CDH20: variants seen among roughly 807,000 people sequenced by gnomAD.
CDH20 encodes the protein cadherin-20.
CDH20 carries 29 observed loss-of-function variants against 74.2 expected under a neutral mutation model. The ratio of observed to expected loss-of-function variants is 0.39; its 90% confidence interval spans 0.29 to 0.53. The LOEUF (loss-of-function observed/expected upper bound fraction) is 0.53. CDH20 is among the 20% of genes least tolerant of loss of function. The pLI is 0.69. For synonymous variants in CDH20, 469 were observed against 405.4 expected, an observed-to-expected ratio of 1.16 and a Z score of -1.88; for missense variants, 988 against 1,048.3, an observed-to-expected ratio of 0.94 and a Z score of 0.79.
At chr18:61,512,696 T>C (rs1339902860) in intron 6 of CDH20, among the ~76,000 whole-genome samples, 2 of 152,206 alleles carry the variant, frequency 1.3e-5, no homozygotes, top group Admixed American at 6.5e-5. Context: ...GATTCTGGTA[T>C]GTTGTGTCTT....
chr18:61,430,003 G>A (rs1052052430), intron 1 of CDH20, among the ~76,000 whole-genome samples: 1 of 151,830 alleles, frequency 6.6e-6, no homozygotes, highest in Non-Finnish European at 1.5e-5. Flanking sequence ...GCAACCCACA[G>A]GGGTCATCCT....
rs1599167959 is a variant in CDH20, at chr18:61,555,531, T to TA, written c.*842dup. On this transcript the variant is annotated 3_prime_UTR_variant, in exon 12 of 12. Coordinates refer to ENST00000262717, the MANE Select transcript of CDH20 (RefSeq NM_031891.4). Reference sequence around the variant, plus strand: ...TTAGATGCTACAAATGAAAGCCAAATAAAAAAGAAGTATCTGACAAAAGCA... The same window carrying TA: ...TTAGATGCTACAAATGAAAGCCAAATAAAAAAAGAAGTATCTGACAAAAGCA... 1.0e-6 allele frequency: 1 copy of TA among 985,296 alleles called. No individual in the cohort carries two copies. Among genetic ancestry groups the TA allele is most frequent in the East Asian group, 1.1e-4 (1 of 8,814 alleles). The allele number at this position is 985,296 out of a possible 1,614,324, so 61.0% of individuals were successfully genotyped here. A position where few individuals can be genotyped will look rare whatever the true frequency, so the allele number is the denominator to read the frequency against.
intron 1 of CDH20, among the ~76,000 whole-genome samples, chr18:61,435,114 T>C (rs1908788741): frequency 6.6e-6 from 1 of 152,158 alleles, no homozygotes; most frequent in African/African-American, 2.4e-5. Flanking sequence ...TACTGTCCTT[T>C]TTCTACAGAT....
intron 10 of CDH20, among the ~76,000 whole-genome samples, chr18:61,546,726 C>A (rs928014154): frequency 2.0e-5 from 3 of 152,164 alleles, no homozygotes; most frequent in Non-Finnish European, 4.4e-5. Context: ...ATTTATGGAA[C>A]CAATTCCTTA....
chr18:61,492,089 C>T (rs687355), intron 2 of CDH20, among the ~76,000 whole-genome samples: 151,816 of 152,182 alleles, frequency 1, 75,727 homozygotes, highest in Non-Finnish European at 1. Flanking sequence ...TTCTACTGCA[C>T]ATGTGACATC....
chr18:61,412,459 T>C (rs1912545910), intron 1 of CDH20, among the ~76,000 whole-genome samples: 1 of 152,146 alleles, frequency 6.6e-6, no homozygotes. Flanking sequence ...GTTACTCTTC[T>C]AGGAAGCTGT....
chr18:61,434,180 T>G (rs962897635), intron 1 of CDH20, among the ~76,000 whole-genome samples: 3 of 152,142 alleles, frequency 2.0e-5, no homozygotes, highest in Non-Finnish European at 2.9e-5. Flanking sequence ...GTAAAATCAG[T>G]GAAAGGAGGC....
intron 2 of CDH20, among the ~76,000 whole-genome samples, chr18:61,498,770 A>C (rs2144314376): frequency 6.6e-6 from 1 of 152,320 alleles, no homozygotes; most frequent in African/African-American, 2.4e-5. Context: ...TGATACTCCA[A>C]AACTTACGGC....
At chr18:61,352,196 C>T (rs1335028187) in intron 1 of CDH20, among the ~76,000 whole-genome samples, 1 of 152,154 alleles carries the variant, frequency 6.6e-6, no homozygotes, top group Non-Finnish European at 1.5e-5. Context: ...GATAAACAGG[C>T]CTCTGTCTCC....
chr18:61,503,502 C>A (rs1417087053), intron 5 of CDH20, among the ~76,000 whole-genome samples: 1 of 152,148 alleles, frequency 6.6e-6, no homozygotes, highest in African/African-American at 2.4e-5. Context: ...GCCCTGGAAA[C>A]CTATTTTTGC....
intron 1 of CDH20, among the ~76,000 whole-genome samples, chr18:61,360,603 A>C (rs764805461): frequency 1.4e-4 from 22 of 152,188 alleles, no homozygotes; most frequent in Non-Finnish European, 3.1e-4. Flanking sequence ...GGAGGCAGAA[A>C]CTGTGAAGGC....
At chr18:61,418,804 C>A (rs1912784228) in intron 1 of CDH20, among the ~76,000 whole-genome samples, 1 of 152,080 alleles carries the variant, frequency 6.6e-6, no homozygotes, top group African/African-American at 2.4e-5. Context: ...TTGACTCACC[C>A]TTAGTCCTAC....
intron 1 of CDH20, among the ~76,000 whole-genome samples, chr18:61,378,682 A>G (rs1911330449): frequency 1.3e-5 from 2 of 152,250 alleles, no homozygotes; most frequent in African/African-American, 4.8e-5. Context: ...AAAATTAACC[A>G]TTACGACTGG....
At chr18:61,335,909 C>T (rs1909742267) in intron 1 of CDH20, among the ~76,000 whole-genome samples, 1 of 152,164 alleles carries the variant, frequency 6.6e-6, no homozygotes, top group Non-Finnish European at 1.5e-5. Context: ...CTTGTGCATA[C>T]TTGTAGAAAA....
intron 1 of CDH20, among the ~76,000 whole-genome samples, chr18:61,467,176 G>A (rs1909991071): frequency 6.6e-6 from 1 of 152,074 alleles, no homozygotes; most frequent in Non-Finnish European, 1.5e-5. Context: ...AGCTGCCACT[G>A]GGGAGACATA....
chr18:61,431,475 A>T (rs971252545), intron 1 of CDH20, among the ~76,000 whole-genome samples: 1 of 152,222 alleles, frequency 6.6e-6, no homozygotes, highest in African/African-American at 2.4e-5. Context: ...GGACTAGTTA[A>T]TAATAACATA....
At chr18:61,512,522 G>A (rs185243169) in intron 6 of CDH20, among the ~76,000 whole-genome samples, 39 of 151,944 alleles carry the variant, frequency 2.6e-4, no homozygotes, top group Non-Finnish European at 4.3e-4. Flanking sequence ...TCTTAGTTTA[G>A]TGTCTATAAA....
Position 61,379,638 on chromosome 18 carries a change from G to T in CDH20, c.-153+45811G>T, listed in dbSNP as rs536849052. On this transcript the variant is annotated intron_variant, in intron 1 of 11. Transcript: ENST00000262717. ...AATCCCAAAGATAAAGTTTTAGTGG[G>T]CATTATGTAGCTAAGAAAACATCAG... is the stretch of plus-strand genomic sequence containing the variant. Among the ~76,000 whole-genome samples, 3 of 152,238 alleles carry T rather than the reference G, an allele frequency of 2.0e-5. No individual in the cohort carries two copies. The East Asian group carries it at 5.8e-4, about 29-fold the overall frequency.
chr18:61,464,489 A>G (rs1909895472), intron 1 of CDH20, among the ~76,000 whole-genome samples: 2 of 152,132 alleles, frequency 1.3e-5, no homozygotes, highest in African/African-American at 4.8e-5. Flanking sequence ...AAAACTTCAC[A>G]TGTCACTGCT....
Sources: allele counts gnomAD v4.1 joint callset (sites outside exome capture counted in the v4.1 genomes callset), GRCh38; gene constraint gnomAD v4.1.1; transcripts MANE v1.5; gene names NCBI Gene and HGNC (gene_info 2026-07-23, HGNC 2026-07-21).